AIG1: variants seen among roughly 807,000 people sequenced by gnomAD.
AIG1 encodes the protein androgen induced 1.
Under a neutral mutation model 31.4 loss-of-function variants are expected in AIG1, and 23 were observed. That is an observed-to-expected ratio of 0.73 (90% confidence interval 0.53 to 1.04). The LOEUF (loss-of-function observed/expected upper bound fraction) is 1.04. Ranked by LOEUF, AIG1 falls within the 50% of genes least tolerant of loss-of-function variation. The probability of loss-of-function intolerance (pLI) is 0.00; values close to 1 mark genes in which losing one functional copy is unlikely to be tolerated. For synonymous variants in AIG1, 100 were observed against 110.5 expected (o/e 0.90, Z 0.60); for missense variants, 274 against 295.0 (o/e 0.93, Z 0.52).
At chr6:143,108,857 G>C (rs1037173377) in intron 1 of AIG1, among the ~76,000 whole-genome samples, 1 of 152,128 alleles carries the variant, frequency 6.6e-6, no homozygotes, top group African/African-American at 2.4e-5. Context: ...AGCAAACCAG[G>C]TATACGGAGA....
intron 3 of AIG1, among the ~76,000 whole-genome samples, chr6:143,254,643 T>G (rs1795249097): frequency 1.3e-5 from 2 of 152,174 alleles, no homozygotes; most frequent in African/African-American, 2.4e-5. Context: ...CAATTGTAGC[T>G]CTAATGAAGT....
At chr6:143,315,741 T>C (rs1725903075) in intron 4 of AIG1, among the ~76,000 whole-genome samples, 1 of 152,086 alleles carries the variant, frequency 6.6e-6, no homozygotes, top group African/African-American at 2.4e-5. Context: ...ATAAGGAATT[T>C]GAATTTGACA....
chr6:143,290,277 G>A (rs1797961730), intron 4 of AIG1, among the ~76,000 whole-genome samples: 1 of 152,220 alleles, frequency 6.6e-6, no homozygotes, highest in African/African-American at 2.4e-5. Context: ...ACTTGGAAGA[G>A]GGTCAAGTGG....
chr6:143,148,792 T>G (rs1422384798), intron 2 of AIG1, among the ~76,000 whole-genome samples: 1 of 151,248 alleles, frequency 6.6e-6, no homozygotes, highest in Admixed American at 6.6e-5. Flanking sequence ...CATTCCAGCC[T>G]GGGCAACAAG....
At chr6:143,260,010 T>G (rs1215695698) in intron 3 of AIG1, among the ~76,000 whole-genome samples, 1 of 146,854 alleles carries the variant, frequency 6.8e-6, no homozygotes, top group East Asian at 2.3e-4. Flanking sequence ...TTGTGCTTCT[T>G]GTGCTTCTTT....
intron 3 of AIG1, among the ~76,000 whole-genome samples, chr6:143,248,903 A>G (rs943963839): frequency 6.6e-6 from 1 of 152,238 alleles, no homozygotes; most frequent in Non-Finnish European, 1.5e-5. Context: ...AAAAAAATTG[A>G]AACAAAACAA....
In AIG1 at chr6:143,293,491, G is replaced by C. The variant is rs1404372971; in HGVS notation, c.515+9266G>C. Among the ~76,000 whole-genome samples, 2 of 152,170 alleles carry C rather than the reference G, an allele frequency of 1.3e-5. No homozygotes were observed. Among genetic ancestry groups the C allele is most frequent in the Admixed American group, 1.3e-4 (2 of 15,274 alleles). On this transcript the variant is annotated intron_variant, in intron 4 of 5. Transcript: ENST00000357847. The surrounding 1 kb of genome is among the most constrained non-coding windows in gnomAD (Gnocchi z 4.8). ...ATCTTCTAAGGAAAAGTCTATCTGG[G>C]CAGTTGAAAGCCTGACAACAGAGAG... is the stretch of plus-strand genomic sequence containing the variant.
At chr6:143,162,509 TCCATC>T (rs2128560546) in intron 2 of AIG1, among the ~76,000 whole-genome samples, 1 of 152,278 alleles carries the variant, frequency 6.6e-6, no homozygotes, top group East Asian at 1.9e-4. Context: ...ATGCCAAGAT[TCCATC>T]CCCTGCTGCA....
intron 5 of AIG1, among the ~76,000 whole-genome samples, chr6:143,335,745 A>G (rs780824598): frequency 6.6e-6 from 1 of 152,028 alleles, no homozygotes. Flanking sequence ...ACTTGAGCCC[A>G]GGAGTTCAAG....
chr6:143,090,936 ATTG>A (rs1471769390), intron 1 of AIG1, among the ~76,000 whole-genome samples: 1 of 151,418 alleles, frequency 6.6e-6, no homozygotes, highest in African/African-American at 2.5e-5. Context: ...TTCTTTCACA[ATTG>A]TTGTCAATCC....
chr6:143,101,542 G>C (rs751593280), intron 1 of AIG1, among the ~76,000 whole-genome samples: 9 of 152,124 alleles, frequency 5.9e-5, no homozygotes, highest in Non-Finnish European at 1.2e-4. Flanking sequence ...GAGACTCTTA[G>C]AGGACTGTAT....
intron 3 of AIG1, among the ~76,000 whole-genome samples, chr6:143,177,662 G>T (rs887992407): frequency 7.9e-5 from 12 of 152,202 alleles, no homozygotes; most frequent in African/African-American, 2.9e-4. Flanking sequence ...ACACCAGGCA[G>T]ATCAGTTTGG....
intron 1 of AIG1, among the ~76,000 whole-genome samples, chr6:143,107,567 C>T (rs1780915153): frequency 6.6e-6 from 1 of 152,016 alleles, no homozygotes; most frequent in Non-Finnish European, 1.5e-5. Flanking sequence ...AAAAAATATG[C>T]CAACTGGCTA....
At chr6:143,245,889 G>A (rs1794584562) in intron 3 of AIG1, among the ~76,000 whole-genome samples, 1 of 152,112 alleles carries the variant, frequency 6.6e-6, no homozygotes, top group Non-Finnish European at 1.5e-5. Context: ...TGTGTGTTCA[G>A]GTCACAAAGA....
intron 3 of AIG1, among the ~76,000 whole-genome samples, chr6:143,203,757 C>T (rs1414306132): frequency 6.6e-6 from 1 of 152,132 alleles, no homozygotes; most frequent in Non-Finnish European, 1.5e-5. Context: ...GATGCTGTAT[C>T]ATGGATGAGA....
Position 143,173,011 on chromosome 6 carries a change from T to G in AIG1, c.399+7828T>G, listed in dbSNP as rs1199682654. On this transcript the variant is annotated intron_variant, in intron 3 of 5. Transcript: ENST00000357847. ...TCAATTTTTTTATCTTTATAAAGAG[T>G]CAACTTTTTGTTTCATTTATCTTTT... Among the ~76,000 whole-genome samples, 4 of 151,972 alleles carry G rather than the reference T, an allele frequency of 2.6e-5. No homozygotes were observed. The East Asian group carries it at 7.7e-4, about 29-fold the overall frequency.
At chr6:143,153,461 C>A (rs575528959) in intron 2 of AIG1, among the ~76,000 whole-genome samples, 2 of 152,184 alleles carry the variant, frequency 1.3e-5, no homozygotes, top group Non-Finnish European at 2.9e-5. Context: ...GATTCTCCTG[C>A]CTCAGCCTCC....
intron 3 of AIG1, among the ~76,000 whole-genome samples, chr6:143,178,319 G>A (rs1040981206): frequency 6.6e-6 from 1 of 152,200 alleles, no homozygotes; most frequent in Non-Finnish European, 1.5e-5. Context: ...AGGGCAAGAT[G>A]CACACTGGTG....
rs968059062 is a variant in AIG1, at chr6:143,284,715, A to G, written c.515+490A>G. 6.6e-6 allele frequency among the ~76,000 whole-genome samples: 1 copy of G among 152,206 alleles called. No homozygotes were observed. The highest frequency in any genetic ancestry group is 2.4e-5 in the African/African-American group (1 of 41,448). ...GAATTAACTGTTACATGGAGAATGCATTAAACTGTTCTGTTTTTAAATATT... is the reference window on the plus strand; with the variant it reads ...GAATTAACTGTTACATGGAGAATGCGTTAAACTGTTCTGTTTTTAAATATT... On this transcript the variant is annotated intron_variant, in intron 4 of 5. Coordinates refer to ENST00000357847, the MANE Select transcript of AIG1 (RefSeq NM_016108.4). The surrounding 1 kb of genome is among the most constrained non-coding windows in gnomAD (Gnocchi z 4.4).
Sources: allele counts gnomAD v4.1 joint callset (sites outside exome capture counted in the v4.1 genomes callset), GRCh38; gene constraint gnomAD v4.1.1; non-coding constraint Gnocchi (gnomAD v3.1); transcripts MANE v1.5; gene names NCBI Gene and HGNC (gene_info 2026-07-23, HGNC 2026-07-21).